PLOD2: variants seen among roughly 807,000 people sequenced by gnomAD.
PLOD2 encodes the protein lysine hydroxylase 2.
In PLOD2, 65 loss-of-function variants were observed where a neutral mutation model predicts 101.0. The ratio of observed to expected loss-of-function variants is 0.64; its 90% CI spans 0.53 to 0.79. The LOEUF (loss-of-function observed/expected upper bound fraction) is 0.79, where lower values mean the gene tolerates loss of function less well. Ranked by LOEUF, PLOD2 falls within the 30% of genes least tolerant of loss-of-function variation. PLOD2 has a pLI of 0.00. For synonymous variants in PLOD2, 314 were observed against 302.9 expected, an observed-to-expected ratio of 1.04 and a Z score of -0.38; for missense variants, 909 against 914.6, an observed-to-expected ratio of 0.99 and a Z score of 0.08.
chr3:146,113,197 G>T (rs1319456758), intron 3 of PLOD2, among the ~76,000 whole-genome samples: 1 of 152,088 alleles, frequency 6.6e-6, no homozygotes. Flanking sequence ...TTATTTTAAA[G>T]CAAAAAGTTA....
intron 1 of PLOD2, among the ~76,000 whole-genome samples, chr3:146,147,848 T>C (rs2031858781): frequency 6.6e-6 from 1 of 152,198 alleles, no homozygotes; most frequent in African/African-American, 2.4e-5. Flanking sequence ...CTATGGTGAC[T>C]GGAGTGCACA....
At position 146,086,893 on chromosome 3, in the gene PLOD2, T is replaced by G; in HGVS notation, c.1021A>C (p.Lys341Gln). 6.6e-7 allele frequency: 1 copy of G among 1,506,784 alleles called. No individual in the cohort carries two copies. The highest frequency in any genetic ancestry group is 9.1e-7 in the Non-Finnish European group (1 of 1,095,800). 93.3% of individuals were successfully genotyped at this position (1,506,784 alleles called of 1,614,324 possible). The change falls in exon 10 of 20, where the codon AAG (lysine) becomes CAG (glutamine). Residue 341 changes from lysine to glutamine, a missense_variant. Transcript: ENST00000282903. ...FIHNKEVYHEKDIKVFFDKAK... is the reference protein window; with the variant it reads ...FIHNKEVYHEQDIKVFFDKAK... ...TTATCAAAAAATACCTTGATGTCCT[T>G]TTCATGATAAACTTCCTGTAACATA...
At chr3:146,154,444 T>A (rs1010586468) in intron 1 of PLOD2, among the ~76,000 whole-genome samples, 17 of 151,078 alleles carry the variant, frequency 1.1e-4, no homozygotes, top group African/African-American at 3.7e-4. Context: ...GATACTCCCT[T>A]GTGAGAAGAC....
In PLOD2 at chr3:146,079,142, C is replaced by A; in HGVS notation, c.1474G>T (p.Ala492Ser). Residue 492 changes from alanine to serine, a missense_variant, in exon 13 of 20, where the codon GCT becomes TCT. Coordinates refer to ENST00000282903, the MANE Select transcript of PLOD2 (RefSeq NM_182943.3). ...ATTTCTCTAGCATTTCGGCAAAGAG[C>A]CATATCAGGATCCAGTTTATCACGA... ...FVRDKLDPDM[A>S]LCRNAREMTL... The A allele has an allele frequency of 6.2e-7, 1 of 1,612,846 alleles. No homozygotes were observed. The highest frequency in any genetic ancestry group is 8.5e-7 in the Non-Finnish European group (1 of 1,179,004).
intron 3 of PLOD2, among the ~76,000 whole-genome samples, chr3:146,119,308 T>C (rs191090554): frequency 9.7e-4 from 148 of 152,300 alleles, no homozygotes; most frequent in African/African-American, 3.4e-3. Flanking sequence ...GCCAGCATCA[T>C]GTTTCCTGTA....
At chr3:146,082,831 G>C (rs950706834) in intron 11 of PLOD2, among the ~76,000 whole-genome samples, 3 of 152,156 alleles carry the variant, frequency 2.0e-5, no homozygotes, top group African/African-American at 7.2e-5. Context: ...GGAGGCGGAG[G>C]TTGCAGTGAG....
intron 1 of PLOD2, among the ~76,000 whole-genome samples, chr3:146,153,821 C>T (rs2032175973): frequency 7.6e-6 from 1 of 132,220 alleles, no homozygotes; most frequent in African/African-American, 2.6e-5. Flanking sequence ...TTTTACCTGT[C>T]CACAGCACAA....
chr3:146,102,614 T>A, intron 7 of PLOD2, 141 bp downstream of exon 7: 1 of 617,132 alleles, frequency 1.6e-6, no homozygotes, highest in Non-Finnish European at 2.9e-6. Context: ...GATGATATAC[T>A]GTGTAAAAGA....
intron 3 of PLOD2, among the ~76,000 whole-genome samples, chr3:146,115,204 C>T (rs370613919): frequency 6.6e-5 from 10 of 152,004 alleles, no homozygotes; most frequent in South Asian, 2.1e-4. Context: ...GTGGTTCCCC[C>T]GATACACAGG....
chr3:146,125,679 G>A (rs576161179), intron 1 of PLOD2, among the ~76,000 whole-genome samples: 3 of 152,176 alleles, frequency 2.0e-5, no homozygotes, highest in South Asian at 2.1e-4. Flanking sequence ...CTCGGGGGGC[G>A]GAGATGGTAG....
At chr3:146,122,358 T>C (rs993956847) in intron 2 of PLOD2, among the ~76,000 whole-genome samples, 1 of 152,216 alleles carries the variant, frequency 6.6e-6, no homozygotes, top group Non-Finnish European at 1.5e-5. Flanking sequence ...ACAACCCATC[T>C]GGAATCCCTA....
intron 15 of PLOD2, among the ~76,000 whole-genome samples, chr3:146,074,195 A>G (rs1936248455): frequency 6.6e-6 from 1 of 151,584 alleles, no homozygotes; most frequent in Non-Finnish European, 1.5e-5. Context: ...TCAAATATGG[A>G]TATTTACTAA....
intron 1 of PLOD2, among the ~76,000 whole-genome samples, chr3:146,127,479 C>T (rs2030640040): frequency 6.6e-6 from 1 of 152,090 alleles, no homozygotes. Flanking sequence ...CAGCTCCATT[C>T]ATCCTGCTGC....
At chr3:146,072,701 A>T in intron 16 of PLOD2, 36 bp from the exon 17 acceptor site, 1 of 1,244,036 alleles carries the variant, frequency 8.0e-7, no homozygotes, top group Non-Finnish European at 1.2e-6. Context: ...AGACATAATA[A>T]CTTCTGTGTC....
intron 1 of PLOD2, among the ~76,000 whole-genome samples, chr3:146,158,749 A>G (rs1223566974): frequency 6.6e-6 from 1 of 151,974 alleles, no homozygotes; most frequent in Non-Finnish European, 1.5e-5. Context: ...CTAAACATCA[A>G]TGCACAGGAT....
chr3:146,127,146 C>T (rs1363813684), intron 1 of PLOD2, among the ~76,000 whole-genome samples: 3 of 152,212 alleles, frequency 2.0e-5, no homozygotes, highest in East Asian at 3.9e-4. Flanking sequence ...GCAATATGAG[C>T]TCAGCTGAAT....
chr3:146,113,148 C>T (rs535544121), intron 3 of PLOD2, among the ~76,000 whole-genome samples: 57 of 152,156 alleles, frequency 3.7e-4, no homozygotes, highest in Non-Finnish European at 6.2e-4. Flanking sequence ...TATAATTTAG[C>T]GTTTTATAAG....
chr3:146,129,294 T>A (rs1263649571), intron 1 of PLOD2, among the ~76,000 whole-genome samples: 3 of 152,166 alleles, frequency 2.0e-5, no homozygotes, highest in Non-Finnish European at 4.4e-5. Flanking sequence ...ACAATTTGAT[T>A]TTTTCCTTAT....
At chr3:146,101,289 C>T (rs9881251) in intron 7 of PLOD2, among the ~76,000 whole-genome samples, 80,287 of 151,956 alleles carry the variant, frequency 0.53, 21,581 homozygotes, top group African/African-American at 0.63. Context: ...GGAAGAGGCC[C>T]CAGACAGGCC....
Sources: allele counts gnomAD v4.1 joint callset (sites outside exome capture counted in the v4.1 genomes callset), GRCh38; gene constraint gnomAD v4.1.1; transcripts MANE v1.5; gene names NCBI Gene and HGNC (gene_info 2026-07-23, HGNC 2026-07-21).